SIPA1L2: variants seen among roughly 807,000 people sequenced by gnomAD.
SIPA1L2 encodes signal-induced proliferation-associated 1-like protein 2.
SIPA1L2 carries 56 observed loss-of-function variants against 163.9 expected under a neutral mutation model. The observed-to-expected ratio is 0.34, with a 90% CI of 0.28 to 0.43. The LOEUF is 0.43. SIPA1L2 is among the 20% of genes least tolerant of loss of function. SIPA1L2 has a pLI of 1.00. For missense variants in SIPA1L2, 1,974 were observed against 2,193.5 expected, an observed-to-expected ratio of 0.90 and a Z score of 2.00; for synonymous variants, 877 against 865.7, an observed-to-expected ratio of 1.01 and a Z score of -0.23.
chr1:232,466,528 T>C (rs749501675), intron 8 of SIPA1L2, among the ~76,000 whole-genome samples: 1 of 152,146 alleles, frequency 6.6e-6, no homozygotes, highest in Non-Finnish European at 1.5e-5. Flanking sequence ...CGGTGGCTCA[T>C]GCCTGTAATC....
chr1:232,461,432 G>T (rs1261612876), intron 9 of SIPA1L2, among the ~76,000 whole-genome samples: 1 of 152,248 alleles, frequency 6.6e-6, no homozygotes, highest in East Asian at 1.9e-4. Flanking sequence ...AGTCATATCT[G>T]TTCTTGATAC....
chr1:232,629,586 G>T (rs956308306), intron 1 of SIPA1L2, among the ~76,000 whole-genome samples: 9 of 152,198 alleles, frequency 5.9e-5, no homozygotes, highest in African/African-American at 1.9e-4. Flanking sequence ...TGCCTGTGTC[G>T]CCGAGACGGG....
chr1:232,525,177 C>CA (rs1185588342), intron 2 of SIPA1L2, among the ~76,000 whole-genome samples: 1 of 141,126 alleles, frequency 7.1e-6, no homozygotes, highest in Non-Finnish European at 1.5e-5. Context: ...CAGGTATTTA[C>CA]AAAAATACTG....
Position 232,432,473 on chromosome 1 carries a change from T to C in SIPA1L2, c.4032-2A>G. 6.2e-7 allele frequency: 1 copy of C among 1,613,530 alleles called. No individual in the cohort carries two copies. Among genetic ancestry groups the C allele is most frequent in the Non-Finnish European group, 8.5e-7 (1 of 1,179,398 alleles). The stretch of plus-strand genomic sequence containing the variant: ...GGGCTTCCTGAATGGTGAGAACCAC[T>C]GAGGAGAAAAACAGACAAAAGCTGC... On this transcript the variant is annotated splice_acceptor_variant, in intron 15 of 22. Coordinates refer to ENST00000674635, the MANE Select transcript of SIPA1L2 (RefSeq NM_020808.5). LOFTEE classifies it high-confidence loss of function.
At chr1:232,479,597 G>A (rs535587439) in intron 7 of SIPA1L2, 30 bp downstream of exon 7, 7 of 1,574,600 alleles carry the variant, frequency 4.4e-6, no homozygotes, top group South Asian at 3.3e-5. Flanking sequence ...CATACTCAGC[G>A]TAAAAAGCTC....
chr1:232,480,007 T>A (rs1257581032), intron 6 of SIPA1L2, among the ~76,000 whole-genome samples: 1 of 151,988 alleles, frequency 6.6e-6, no homozygotes, highest in Non-Finnish European at 1.5e-5. Flanking sequence ...CAGTGTGGAT[T>A]TAGGTGATCC....
rs961077045 is a variant in SIPA1L2 at position 232,600,233 on chromosome 1, CAA to C, written c.-318-26013_-318-26012del. On this transcript the variant is annotated intron_variant, in intron 1 of 22. Coordinates refer to ENST00000674635, the MANE Select transcript of SIPA1L2 (RefSeq NM_020808.5). ...GGGGCAGTGTTGGTGACACAGTTAA[CAA>C]AAAAAAAAATTCTTTTTCATTTCTC... 1.2e-4 allele frequency among the ~76,000 whole-genome samples: 17 copies of C among 145,112 alleles called. No homozygotes were observed. In the East Asian group the frequency reaches 3.2e-3, roughly 27 times the overall value.
chr1:232,550,640 G>C (rs753621505), intron 2 of SIPA1L2, among the ~76,000 whole-genome samples: 2 of 152,158 alleles, frequency 1.3e-5, no homozygotes, highest in African/African-American at 4.8e-5. Context: ...TAGCAGCAAC[G>C]TTTAATCTCA....
intron 18 of SIPA1L2, among the ~76,000 whole-genome samples, chr1:232,421,301 T>C (rs760734824): frequency 6.6e-6 from 1 of 151,904 alleles, no homozygotes; most frequent in Non-Finnish European, 1.5e-5. Flanking sequence ...CCTGCGCACC[T>C]GCTCTGGCTT....
chr1:232,416,886 G>A (rs551044410), intron 18 of SIPA1L2, among the ~76,000 whole-genome samples: 3 of 152,188 alleles, frequency 2.0e-5, no homozygotes, highest in Admixed American at 6.5e-5. Flanking sequence ...CTCTCATCAA[G>A]GTACTTAAGT....
chr1:232,415,670 G>A (rs12569188), intron 18 of SIPA1L2, 45 bp from the exon 19 acceptor site: 607,160 of 1,606,822 alleles, frequency 0.38, 117,423 homozygotes, highest in East Asian at 0.44. Flanking sequence ...GTCACAGCAC[G>A]GGCACCAGCC....
At chr1:232,444,387 G>A (rs1191263340) in intron 11 of SIPA1L2, among the ~76,000 whole-genome samples, 1 of 152,038 alleles carries the variant, frequency 6.6e-6, no homozygotes, top group Non-Finnish European at 1.5e-5. Flanking sequence ...CCTTCTACAT[G>A]TTGCCCCTTT....
rs142662936 is a variant in SIPA1L2 at position 232,566,599 on chromosome 1, T to C, written c.-270+7575A>G. ...TAGAAGGCTTGTACAAAGCATGACA[T>C]TGCATTTTAAACATTTGTAGGGATA... On this transcript the variant is annotated intron_variant, in intron 2 of 22. Coordinates refer to ENST00000674635, the MANE Select transcript of SIPA1L2 (RefSeq NM_020808.5). Among the ~76,000 whole-genome samples, 10 of 152,354 alleles carry C rather than the reference T, an allele frequency of 6.6e-5. No homozygotes were observed. The East Asian group carries it at 1.4e-3, about 21-fold the overall frequency.
chr1:232,416,416 A>G (rs1572864453), intron 18 of SIPA1L2, among the ~76,000 whole-genome samples: 3 of 152,338 alleles, frequency 2.0e-5, no homozygotes, highest in South Asian at 4.1e-4. Flanking sequence ...GCCTCTGTAC[A>G]CTATTGTAAT....
At chr1:232,431,980 T>C (rs1016985425) in intron 16 of SIPA1L2, among the ~76,000 whole-genome samples, 3 of 152,208 alleles carry the variant, frequency 2.0e-5, no homozygotes, top group Non-Finnish European at 4.4e-5. Flanking sequence ...ACTCACACCA[T>C]CAGCAGCATG....
At chr1:232,615,073 T>A (rs1266759553) in intron 1 of SIPA1L2, among the ~76,000 whole-genome samples, 1 of 152,218 alleles carries the variant, frequency 6.6e-6, no homozygotes, top group Non-Finnish European at 1.5e-5. Flanking sequence ...CTGGAAAGAA[T>A]ATTTATGTCT....
At chr1:232,478,545 G>C (rs568393255) in intron 7 of SIPA1L2, among the ~76,000 whole-genome samples, 6 of 152,230 alleles carry the variant, frequency 3.9e-5, no homozygotes, top group South Asian at 2.1e-4. Flanking sequence ...AAAATTCTCT[G>C]TGACAATTAA....
intron 18 of SIPA1L2, chr1:232,415,829 C>T (rs1661219136): frequency 4.0e-6 from 2 of 504,088 alleles, no homozygotes; most frequent in Non-Finnish European, 6.7e-6. Flanking sequence ...CACCACTGTC[C>T]CTCCCAGAGT....
intron 19 of SIPA1L2, among the ~76,000 whole-genome samples, chr1:232,408,857 T>A (rs1299511270): frequency 6.6e-6 from 1 of 152,140 alleles, no homozygotes; most frequent in African/African-American, 2.4e-5. Context: ...CCCATAATTC[T>A]AAATATTTAA....
Sources: allele counts gnomAD v4.1 joint callset (sites outside exome capture counted in the v4.1 genomes callset), GRCh38; gene constraint gnomAD v4.1.1; transcripts MANE v1.5; gene names NCBI Gene and HGNC (gene_info 2026-07-23, HGNC 2026-07-21).